SLC16A12: variants seen among roughly 807,000 people sequenced by gnomAD.
The protein encoded by SLC16A12 is solute carrier family 16 member 12.
In SLC16A12, 17 loss-of-function variants were observed where a neutral mutation model predicts 42.4. That is an observed-to-expected ratio of 0.40 (90% CI 0.27 to 0.60). The LOEUF is 0.60. Among genes scored for constraint, SLC16A12 ranks in the 20% least tolerant of loss-of-function variants. SLC16A12 has a pLI of 0.42. For synonymous variants in SLC16A12, 224 were observed against 229.4 expected, an observed-to-expected ratio of 0.98 and a Z score of 0.21; for missense variants, 544 against 623.0, an observed-to-expected ratio of 0.87 and a Z score of 1.35.
chr10:89,493,740 C>T (rs1027113429), intron 2 of SLC16A12, among the ~76,000 whole-genome samples: 4 of 152,172 alleles, frequency 2.6e-5, no homozygotes, highest in African/African-American at 9.7e-5. Context: ...CAGTGTTTTA[C>T]AGGCCTAAAC....
chr10:89,487,201 C>T (rs1490827410), intron 2 of SLC16A12, among the ~76,000 whole-genome samples: 2 of 152,116 alleles, frequency 1.3e-5, no homozygotes, highest in African/African-American at 4.8e-5. Context: ...ACATCTAACT[C>T]ATTAATTGGG....
intron 3 of SLC16A12, among the ~76,000 whole-genome samples, chr10:89,451,494 C>T (rs2133716178): frequency 6.6e-6 from 1 of 152,194 alleles, no homozygotes; most frequent in Non-Finnish European, 1.5e-5. Flanking sequence ...TCACTGCAAC[C>T]TCCGCCTCCC....
chr10:89,448,522 T>C (rs1288817887), intron 3 of SLC16A12, among the ~76,000 whole-genome samples: 2 of 152,190 alleles, frequency 1.3e-5, no homozygotes, highest in South Asian at 4.1e-4. Context: ...ATTATCTCAA[T>C]AGATGTAGAA....
intron 2 of SLC16A12, among the ~76,000 whole-genome samples, chr10:89,494,869 C>A (rs2133812259): frequency 6.6e-6 from 1 of 152,280 alleles, no homozygotes; most frequent in East Asian, 1.9e-4. Context: ...AATTAGCCTT[C>A]CCCTCCCTGG....
At chr10:89,541,830 TA>T (rs1843717556) in intron 2 of SLC16A12, among the ~76,000 whole-genome samples, 2 of 152,218 alleles carry the variant, frequency 1.3e-5, no homozygotes, top group African/African-American at 2.4e-5. Flanking sequence ...ATATTTCCAC[TA>T]GGTTAGGTTG....
chr10:89,554,033 G>GAAAGAAAGA (rs1843787303), intron 2 of SLC16A12, among the ~76,000 whole-genome samples: 2 of 67,544 alleles, frequency 3.0e-5, no homozygotes, highest in African/African-American at 1.3e-4. Flanking sequence ...AGAGAGAAAG[G>GAAAGAAAGA]AAGAAAGAAA....
intron 3 of SLC16A12, among the ~76,000 whole-genome samples, chr10:89,456,930 C>T (rs1842202230): frequency 6.6e-6 from 1 of 152,038 alleles, no homozygotes; most frequent in Non-Finnish European, 1.5e-5. Context: ...ATATATGTAC[C>T]ACATTTTCTT....
intron 2 of SLC16A12, among the ~76,000 whole-genome samples, chr10:89,496,607 C>T (rs1226658453): frequency 2.0e-5 from 3 of 152,240 alleles, no homozygotes; most frequent in South Asian, 2.1e-4. Flanking sequence ...CTCAATCTTG[C>T]ACCATTCACA....
intron 3 of SLC16A12, 24 bp from the exon 4 acceptor site, chr10:89,443,883 T>G: frequency 6.8e-7 from 1 of 1,466,820 alleles, no homozygotes; most frequent in Middle Eastern, 1.7e-4. Flanking sequence ...TGCAGGCATT[T>G]TATACAAAAA....
chr10:89,499,446 C>T (rs527655512), intron 2 of SLC16A12, among the ~76,000 whole-genome samples: 10 of 151,952 alleles, frequency 6.6e-5, no homozygotes, highest in African/African-American at 1.9e-4. Flanking sequence ...CCCAGCTACT[C>T]GGGAGGCTGA....
chr10:89,465,871 T>G (rs1025884185), intron 2 of SLC16A12, among the ~76,000 whole-genome samples: 1 of 152,196 alleles, frequency 6.6e-6, no homozygotes, highest in African/African-American at 2.4e-5. Flanking sequence ...CAATGAGCTA[T>G]GGAGAGAAGT....
At chr10:89,521,918 G>A (rs540277512) in intron 2 of SLC16A12, among the ~76,000 whole-genome samples, 36 of 152,262 alleles carry the variant, frequency 2.4e-4, no homozygotes, top group South Asian at 6.2e-4. Context: ...ATTGTATGCC[G>A]GAAACCAGCT....
At chr10:89,542,552 C>G (rs1464830423) in intron 2 of SLC16A12, among the ~76,000 whole-genome samples, 1 of 152,150 alleles carries the variant, frequency 6.6e-6, no homozygotes, top group Non-Finnish European at 1.5e-5. Flanking sequence ...GATCCACCCA[C>G]CTTGGCCTCC....
At chr10:89,444,405 T>G (rs533314019) in intron 3 of SLC16A12, among the ~76,000 whole-genome samples, 25 of 152,192 alleles carry the variant, frequency 1.6e-4, no homozygotes, top group African/African-American at 6.0e-4. Context: ...TTCTGGAGAA[T>G]AGCCAAATAT....
Position 89,438,992 on chromosome 10 carries a change from C to T in SLC16A12, c.640G>A (p.Val214Ile), listed in dbSNP as rs1409100633. The change falls in exon 6 of 8, where the codon GTC becomes ATC. Residue 214 changes from valine (V) to isoleucine (I), a missense_variant. Val to Ile is a conservative substitution (Grantham distance 29). Coordinates refer to ENST00000371790, the MANE Select transcript of SLC16A12 (RefSeq NM_213606.4). ...RGALLILGGF[V>I]LNLCVCGALM... Reference sequence around the variant, plus strand: ...GCACCACATACACAGAGATTCAAGACAAAGCCCCCAAGAATGAGTAAGGCT... The same window carrying T: ...GCACCACATACACAGAGATTCAAGATAAAGCCCCCAAGAATGAGTAAGGCT... The T allele has an allele frequency of 6.2e-7, 1 of 1,614,180 alleles. No individual in the cohort carries two copies. Among genetic ancestry groups the T allele is most frequent in the Non-Finnish European group, 8.5e-7 (1 of 1,180,040 alleles).
chr10:89,475,781 G>C (rs1842568607), intron 2 of SLC16A12, among the ~76,000 whole-genome samples: 1 of 152,148 alleles, frequency 6.6e-6, no homozygotes, highest in South Asian at 2.1e-4. Flanking sequence ...CTTTACATAA[G>C]ACTTAGAATA....
At chr10:89,541,325 G>A (rs1439392944) in intron 2 of SLC16A12, among the ~76,000 whole-genome samples, 4 of 152,112 alleles carry the variant, frequency 2.6e-5, no homozygotes, top group East Asian at 1.9e-4. Flanking sequence ...GATGGGTATG[G>A]TGGCTCATGC....
intron 2 of SLC16A12, among the ~76,000 whole-genome samples, chr10:89,484,049 G>T (rs1842711888): frequency 6.6e-6 from 1 of 152,180 alleles, no homozygotes. Context: ...GCCTACTCAG[G>T]AAGCTGACAT....
chr10:89,470,079 C>T (rs1210035123), intron 2 of SLC16A12, among the ~76,000 whole-genome samples: 1 of 152,116 alleles, frequency 6.6e-6, no homozygotes, highest in Non-Finnish European at 1.5e-5. Context: ...TAAATATTCC[C>T]TTATGTCATT....
Sources: allele counts gnomAD v4.1 joint callset (sites outside exome capture counted in the v4.1 genomes callset), GRCh38; gene constraint gnomAD v4.1.1; transcripts MANE v1.5; gene names NCBI Gene and HGNC (gene_info 2026-07-23, HGNC 2026-07-21).